DLG1: variants seen among roughly 807,000 people sequenced by gnomAD.
DLG1 encodes the protein discs large MAGUK scaffold protein 1.
In DLG1, 42 loss-of-function variants were observed where a neutral mutation model predicts 123.4. That is an observed-to-expected ratio of 0.34 (90% CI 0.27 to 0.44). The LOEUF (loss-of-function observed/expected upper bound fraction) is 0.44, where lower values mean the gene tolerates loss of function less well. Ranked by LOEUF, DLG1 falls within the 20% of genes least tolerant of loss-of-function variation. DLG1 has a pLI of 1.00. For synonymous variants in DLG1, 317 were observed against 356.2 expected, an observed-to-expected ratio of 0.89 and a Z score of 1.24; for missense variants, 942 against 1,082.6, an observed-to-expected ratio of 0.87 and a Z score of 1.82.
At chr3:197,286,096 C>G (rs1771694613) in intron 3 of DLG1, among the ~76,000 whole-genome samples, 1 of 152,106 alleles carries the variant, frequency 6.6e-6, no homozygotes, top group Non-Finnish European at 1.5e-5. Flanking sequence ...AAATATATTA[C>G]TAACTGAAAA....
At chr3:197,169,545 GTA>G (rs1302690006) in intron 5 of DLG1, among the ~76,000 whole-genome samples, 1 of 152,108 alleles carries the variant, frequency 6.6e-6, no homozygotes, top group Non-Finnish European at 1.5e-5. Flanking sequence ...TTCGACTCAG[GTA>G]TAAAAGAGTT....
At chr3:197,096,601 G>A (rs956282343) in intron 14 of DLG1, among the ~76,000 whole-genome samples, 1 of 152,082 alleles carries the variant, frequency 6.6e-6, no homozygotes, top group Non-Finnish European at 1.5e-5. Context: ...GTCTATTTTT[G>A]CTTTACAAAT....
At chr3:197,077,796 G>T (rs972170406) in intron 17 of DLG1, among the ~76,000 whole-genome samples, 1 of 152,058 alleles carries the variant, frequency 6.6e-6, no homozygotes, top group African/African-American at 2.4e-5. Context: ...CTCTGTCATA[G>T]GCATTCATGT....
At chr3:197,270,764 CA>C (rs1473457692) in intron 4 of DLG1, among the ~76,000 whole-genome samples, 2 of 152,148 alleles carry the variant, frequency 1.3e-5, no homozygotes, top group African/African-American at 4.8e-5. Flanking sequence ...ACAAGAGCAA[CA>C]ACCTGATATT....
intron 11 of DLG1, among the ~76,000 whole-genome samples, chr3:197,121,795 C>T (rs74577688): frequency 0.054 from 8,007 of 147,276 alleles, 301 homozygotes; most frequent in Non-Finnish European, 0.082. Context: ...TGAGAAACAT[C>T]CCCTCCATCA....
In DLG1 at chr3:197,062,479, TTATAA is replaced by T. The variant is rs1019258049; in HGVS notation, c.2374-2486_2374-2482del. 1.1e-4 allele frequency among the ~76,000 whole-genome samples: 17 copies of T among 152,350 alleles called. No homozygotes were observed. In the East Asian group the frequency reaches 1.2e-3, roughly 10 times the overall value. On this transcript the variant is annotated intron_variant, in intron 22 of 24. Coordinates refer to ENST00000667157, the MANE Select transcript of DLG1 (RefSeq NM_001366207.1). ...TACGATTTTTATTTTACTCTATGTA[TTATAA>T]TATGTTATTATCATTTATCTTGATA...
At chr3:197,064,691 C>T (rs1358163153) in intron 22 of DLG1, among the ~76,000 whole-genome samples, 1 of 151,914 alleles carries the variant, frequency 6.6e-6, no homozygotes, top group East Asian at 1.9e-4. Context: ...CAAATTTTTT[C>T]TGTCAGTTGT....
At chr3:197,124,947 G>A (rs2149480434) in intron 11 of DLG1, among the ~76,000 whole-genome samples, 1 of 152,252 alleles carries the variant, frequency 6.6e-6, no homozygotes, top group East Asian at 1.9e-4. Context: ...ATGCAAGAGA[G>A]AGAAGGGACA....
chr3:197,220,870 C>T (rs1736614210), intron 4 of DLG1, among the ~76,000 whole-genome samples: 1 of 152,182 alleles, frequency 6.6e-6, no homozygotes, highest in Admixed American at 6.5e-5. Flanking sequence ...TACATTTCAT[C>T]TTAGAAGAAG....
intron 4 of DLG1, among the ~76,000 whole-genome samples, chr3:197,213,926 G>C (rs1317684465): frequency 6.6e-6 from 1 of 152,164 alleles, no homozygotes; most frequent in Non-Finnish European, 1.5e-5. Flanking sequence ...AAAGTCATGA[G>C]AGGCAACTGG....
At chr3:197,148,591 T>C (rs898943854) in intron 6 of DLG1, among the ~76,000 whole-genome samples, 2 of 152,098 alleles carry the variant, frequency 1.3e-5, no homozygotes, top group African/African-American at 2.4e-5. Flanking sequence ...GCGGAAAGAA[T>C]AGTCTTTTCA....
At chr3:197,121,823 C>CAAAAAAAAAAAAA (rs71161995) in intron 11 of DLG1, among the ~76,000 whole-genome samples, 2 of 101,996 alleles carry the variant, frequency 2.0e-5, no homozygotes, top group African/African-American at 4.1e-5. Flanking sequence ...ACAATCACCA[C>CAAAAAAAAAAAAA]AAAAAAAAAA....
At chr3:197,184,180 A>G in intron 5 of DLG1, 2 of 962,946 alleles carry the variant, frequency 2.1e-6, no homozygotes, top group African/African-American at 1.8e-5. Flanking sequence ...GCAGGTAAAG[A>G]AGGATGCTAT....
intron 4 of DLG1, among the ~76,000 whole-genome samples, chr3:197,247,058 T>C (rs1346522744): frequency 6.6e-6 from 1 of 152,238 alleles, no homozygotes; most frequent in Non-Finnish European, 1.5e-5. Context: ...TATTTAATAA[T>C]GATCTGAGTT....
intron 13 of DLG1, among the ~76,000 whole-genome samples, chr3:197,112,026 A>T (rs1005465225): frequency 6.6e-6 from 1 of 152,206 alleles, no homozygotes; most frequent in Non-Finnish European, 1.5e-5. Context: ...GGGTGATAAG[A>T]TTAGATGTAT....
intron 24 of DLG1, among the ~76,000 whole-genome samples, chr3:197,051,275 AG>A (rs2148707021): frequency 6.7e-6 from 1 of 148,604 alleles, no homozygotes; most frequent in South Asian, 2.1e-4. Context: ...CGGGAGGCTG[AG>A]GCAGGAGAAT....
chr3:197,200,964 G>A (rs1018782566), intron 4 of DLG1, among the ~76,000 whole-genome samples: 11 of 152,244 alleles, frequency 7.2e-5, no homozygotes, highest in East Asian at 3.9e-4. Context: ...TATTCAACGC[G>A]ATACCAGAAG....
intron 18 of DLG1, among the ~76,000 whole-genome samples, chr3:197,076,229 A>C (rs1560495279): frequency 6.6e-6 from 1 of 152,234 alleles, no homozygotes; most frequent in African/African-American, 2.4e-5. Context: ...TGTTATACCT[A>C]GAAATCAACA....
intron 4 of DLG1, among the ~76,000 whole-genome samples, chr3:197,254,165 G>T (rs1454376083): frequency 6.6e-6 from 1 of 152,202 alleles, no homozygotes; most frequent in Non-Finnish European, 1.5e-5. Flanking sequence ...AAAATGGAGA[G>T]TTATTTGTCC....
Sources: allele counts gnomAD v4.1 joint callset (sites outside exome capture counted in the v4.1 genomes callset), GRCh38; gene constraint gnomAD v4.1.1; transcripts MANE v1.5; gene names NCBI Gene and HGNC (gene_info 2026-07-23, HGNC 2026-07-21).